The following PDLIM1 variants were observed in gnomAD, a reference collection of about 807,000 sequenced individuals.
PDLIM1 encodes the protein PDZ and LIM domain protein 1.
PDLIM1 carries 25 observed loss-of-function variants against 35.2 expected under a neutral mutation model. The observed-to-expected ratio is 0.71, with a 90% CI of 0.52 to 0.99. The LOEUF (loss-of-function observed/expected upper bound fraction) is 0.99, where lower values mean the gene tolerates loss of function less well. Ranked by LOEUF, PDLIM1 falls within the 50% of genes least tolerant of loss-of-function variation. The pLI is 0.00. For synonymous variants in PDLIM1, 152 were observed against 154.0 expected (o/e 0.99, Z 0.10); for missense variants, 363 against 415.3 (o/e 0.87, Z 1.09).
chr10:95,284,810 T>G (rs191231336), intron 1 of PDLIM1, among the ~76,000 whole-genome samples: 47 of 152,320 alleles, frequency 3.1e-4, no homozygotes, highest in Admixed American at 2.2e-3. Context: ...CACAAAATCA[T>G]TTTTAGTATT....
Position 95,282,144 on chromosome 10 carries a change from A to G in PDLIM1, c.96+8676T>C, listed in dbSNP as rs574151085. 3.9e-5 allele frequency among the ~76,000 whole-genome samples: 6 copies of G among 152,378 alleles called. No individual in the cohort carries two copies. The East Asian group carries it at 5.8e-4, about 15-fold the overall frequency. ...ATCGCAATGCTACATGCCTTTAAGC[A>G]TAATCTCCGCTGATTTAACAGTTGT... is the stretch of plus-strand genomic sequence containing the variant. On this transcript the variant is annotated intron_variant, in intron 1 of 6. Coordinates refer to ENST00000329399, the MANE Select transcript of PDLIM1 (RefSeq NM_020992.4).
chr10:95,254,540 T>C (rs2035294207), intron 4 of PDLIM1, among the ~76,000 whole-genome samples: 1 of 152,214 alleles, frequency 6.6e-6, no homozygotes, highest in Admixed American at 6.5e-5. Flanking sequence ...CATTCACAAT[T>C]TTAGTTGAAG....
intron 1 of PDLIM1, among the ~76,000 whole-genome samples, chr10:95,283,260 GCT>G (rs1034834535): frequency 5.3e-5 from 8 of 151,960 alleles, no homozygotes; most frequent in Non-Finnish European, 1.2e-4. Context: ...GTACCACTAG[GCT>G]CTCTCTATAT....
chr10:95,259,404 T>A (rs2035342766), intron 4 of PDLIM1, among the ~76,000 whole-genome samples: 1 of 152,152 alleles, frequency 6.6e-6, no homozygotes, highest in Admixed American at 6.5e-5. Flanking sequence ...TCCTATCTCA[T>A]ATCCCAAGAA....
At chr10:95,250,340 G>A (rs1445496087) in intron 4 of PDLIM1, among the ~76,000 whole-genome samples, 2 of 149,628 alleles carry the variant, frequency 1.3e-5, no homozygotes, top group South Asian at 2.1e-4. Context: ...CCTTGTGAGG[G>A]ATTTCTATAA....
At chr10:95,254,293 GAAC>G (rs1246438344) in intron 4 of PDLIM1, among the ~76,000 whole-genome samples, 1 of 152,124 alleles carries the variant, frequency 6.6e-6, no homozygotes, top group Non-Finnish European at 1.5e-5. Context: ...TAATGGTAGA[GAAC>G]AATATATCAT....
chr10:95,257,765 T>G (rs1191898602), intron 4 of PDLIM1, among the ~76,000 whole-genome samples: 1 of 152,160 alleles, frequency 6.6e-6, no homozygotes, highest in Non-Finnish European at 1.5e-5. Context: ...ATTAAAAATT[T>G]ACCATATGAT....
rs940977596 is a variant in PDLIM1, at chr10:95,248,022, G to A, written c.534-656C>T. Among the ~76,000 whole-genome samples the A allele has an allele frequency of 2.6e-5, 4 of 152,320 alleles. No homozygotes were observed. In the South Asian group the frequency reaches 6.2e-4, roughly 24 times the overall value. On this transcript the variant is annotated intron_variant, in intron 4 of 6. Coordinates refer to ENST00000329399, the MANE Select transcript of PDLIM1 (RefSeq NM_020992.4). ...GCCTTGTCTTCCCCACCTTCCTCCT[G>A]TCATGCTGGGTGACCCAGAACAAGA...
At position 95,290,167 on chromosome 10, in the gene PDLIM1, T is replaced by G. The variant is rs1041809458; in HGVS notation, c.96+653A>C. On this transcript the variant is annotated intron_variant, in intron 1 of 6. Coordinates refer to ENST00000329399, the MANE Select transcript of PDLIM1 (RefSeq NM_020992.4). This position sits in a 1 kb window ranked among gnomAD's most constrained non-coding sequence, Gnocchi z 4.7. ...GGCTGGTGCGGGGAGGGGAAAGAGA[T>G]AATCTGGGAATGCTAGGAAGAATGA... Among the ~76,000 whole-genome samples, 11 of 152,034 alleles carry G rather than the reference T, an allele frequency of 7.2e-5. No individual in the cohort carries two copies. The highest frequency in any genetic ancestry group is 2.7e-4 in the African/African-American group (11 of 41,384).
At chr10:95,249,529 A>T (rs1589507705) in intron 4 of PDLIM1, among the ~76,000 whole-genome samples, 1 of 152,150 alleles carries the variant, frequency 6.6e-6, no homozygotes, top group African/African-American at 2.4e-5. Context: ...TTATTCAGCA[A>T]CTCTAAACAG....
Position 95,261,774 on chromosome 10 carries a change from C to T in PDLIM1, c.533+2090G>A, listed in dbSNP as rs45618432. Among the ~76,000 whole-genome samples the T allele has an allele frequency of 5.3e-3, 799 of 152,190 alleles. 7 individuals carry two copies. Among genetic ancestry groups the T allele is most frequent in the African/African-American group, 0.018 (736 of 41,534 alleles). On this transcript the variant is annotated intron_variant, in intron 4 of 6. Coordinates refer to ENST00000329399, the MANE Select transcript of PDLIM1 (RefSeq NM_020992.4). ...CTGTAAGCCCAGCACTTTGGGAGGC[C>T]GAGGCAGGCAGATCACCTGAGGTCG...
chr10:95,265,887 C>T (rs1268487433), intron 3 of PDLIM1, among the ~76,000 whole-genome samples: 1 of 152,042 alleles, frequency 6.6e-6, no homozygotes, highest in South Asian at 2.1e-4. Flanking sequence ...GGTGACAGAG[C>T]TAGACTCTCA....
At chr10:95,258,026 A>G (rs978723225) in intron 4 of PDLIM1, among the ~76,000 whole-genome samples, 11 of 152,222 alleles carry the variant, frequency 7.2e-5, no homozygotes, top group Non-Finnish European at 1.2e-4. Context: ...CCTCACAATC[A>G]TGGTGGAAGG....
chr10:95,265,264 TAAAAG>T (rs1282940942), intron 3 of PDLIM1, among the ~76,000 whole-genome samples: 2 of 152,088 alleles, frequency 1.3e-5, no homozygotes, highest in Admixed American at 6.6e-5. Context: ...TAATTTAAAA[TAAAAG>T]AAAACAACCT....
At chr10:95,284,011 GTGTGTC>G (rs2035581245) in intron 1 of PDLIM1, among the ~76,000 whole-genome samples, 1 of 147,468 alleles carries the variant, frequency 6.8e-6, no homozygotes. Context: ...GTGTGTGTGT[GTGTGTC>G]TCCTTCATGT....
chr10:95,284,544 G>A (rs1168464618), intron 1 of PDLIM1, among the ~76,000 whole-genome samples: 1 of 152,080 alleles, frequency 6.6e-6, no homozygotes, highest in Non-Finnish European at 1.5e-5. Flanking sequence ...AGTAGAGACA[G>A]GGTTTCACCA....
intron 5 of PDLIM1, among the ~76,000 whole-genome samples, chr10:95,244,178 G>A (rs551511634): frequency 2.8e-4 from 43 of 152,258 alleles, no homozygotes; most frequent in African/African-American, 9.9e-4. Context: ...ATTTGATCCA[G>A]AACAAGATGA....
intron 1 of PDLIM1, among the ~76,000 whole-genome samples, chr10:95,283,981 C>CTCTG (rs143926521): frequency 0.054 from 8,103 of 150,170 alleles, 224 homozygotes; most frequent in African/African-American, 0.073. Context: ...GCCTTTTTCT[C>CTCTG]TGTGTGTGTG....
chr10:95,274,293 C>CTTTTTTTT (rs11429361), intron 1 of PDLIM1, among the ~76,000 whole-genome samples: 1 of 130,608 alleles, frequency 7.7e-6, no homozygotes, highest in Non-Finnish European at 1.6e-5. Flanking sequence ...CACAGTCATC[C>CTTTTTTTT]TTTTTTTTTT....
Sources: allele counts gnomAD v4.1 joint callset (sites outside exome capture counted in the v4.1 genomes callset), GRCh38; gene constraint gnomAD v4.1.1; non-coding constraint Gnocchi (gnomAD v3.1); transcripts MANE v1.5; gene names NCBI Gene and HGNC (gene_info 2026-07-23, HGNC 2026-07-21).